The following TBC1D32 variants were observed in gnomAD, a reference collection of about 807,000 sequenced individuals.
TBC1D32 encodes TBC1 domain family member 32, also known as protein broad-minded.
Under a neutral mutation model 170.3 loss-of-function variants are expected in TBC1D32, and 151 were observed. The ratio of observed to expected loss-of-function variants is 0.89; its 90% confidence interval spans 0.78 to 1.01. TBC1D32 has a LOEUF of 1.01. Ranked by LOEUF, TBC1D32 falls within the 50% of genes least tolerant of loss-of-function variation. TBC1D32 has a pLI of 0.00. For synonymous variants in TBC1D32, 498 were observed against 488.0 expected (o/e 1.02, Z -0.27); for missense variants, 1,464 against 1,457.1 (o/e 1.00, Z -0.08).
At position 121,197,236 on chromosome 6, in the gene TBC1D32, CTGTGA is replaced by C. The variant is rs1016374939; in HGVS notation, c.2570+7834_2570+7838del. 4.3e-4 allele frequency among the ~76,000 whole-genome samples: 65 copies of C among 152,218 alleles called. 1 individual carries two copies. The highest frequency in any genetic ancestry group is 1.5e-3 in the African/African-American group (64 of 41,544). ...GGGCATCTCTTAGTATTACCATGCC[CTGTGA>C]TTAAGGTCAATGGGAAACTACAACA... On this transcript the variant is annotated intron_variant, in intron 22 of 31. Transcript: ENST00000398212.
intron 4 of TBC1D32, among the ~76,000 whole-genome samples, chr6:121,309,429 CA>C (rs1807836302): frequency 6.6e-6 from 1 of 151,760 alleles, no homozygotes; most frequent in Admixed American, 6.6e-5. Context: ...AATCATAATG[CA>C]AAATGTTGAG....
intron 21 of TBC1D32, among the ~76,000 whole-genome samples, chr6:121,208,733 A>AAAAAAAAC (rs1554269730): frequency 2.7e-5 from 4 of 146,542 alleles, no homozygotes; most frequent in African/African-American, 7.3e-5. Flanking sequence ...CACCTGGAAA[A>AAAAAAAAC]AAAAAAAAAA....
chr6:121,324,288 A>G (rs1810164178), intron 1 of TBC1D32, among the ~76,000 whole-genome samples: 1 of 152,202 alleles, frequency 6.6e-6, no homozygotes, highest in Middle Eastern at 3.2e-3. Context: ...AACAAAAATT[A>G]CATTTTATTC....
intron 19 of TBC1D32, 85 bp downstream of exon 19, chr6:121,241,380 C>T (rs1796967593): frequency 4.5e-6 from 5 of 1,118,696 alleles, no homozygotes; most frequent in Admixed American, 4.3e-5. Context: ...TATCCTGATA[C>T]TTAATTGTGC....
At chr6:121,277,918 G>A (rs1375485848) in intron 15 of TBC1D32, among the ~76,000 whole-genome samples, 2 of 151,130 alleles carry the variant, frequency 1.3e-5, no homozygotes, top group African/African-American at 4.9e-5. Context: ...AACATCAGAA[G>A]TGAAAGAGGA....
At chr6:121,327,764 T>C (rs924348425) in intron 1 of TBC1D32, among the ~76,000 whole-genome samples, 1 of 152,202 alleles carries the variant, frequency 6.6e-6, no homozygotes, top group African/African-American at 2.4e-5. Context: ...AAACTGATTT[T>C]TATACATTAT....
intron 22 of TBC1D32, among the ~76,000 whole-genome samples, chr6:121,191,174 T>C (rs559065690): frequency 3.7e-4 from 57 of 152,312 alleles, no homozygotes; most frequent in Non-Finnish European, 6.6e-4. Context: ...TATCTGCATA[T>C]ATGGAAATTT....
Position 121,269,067 on chromosome 6 carries a change from G to T in TBC1D32, c.1733+10054C>A, listed in dbSNP as rs551968314. 5.3e-5 allele frequency among the ~76,000 whole-genome samples: 8 copies of T among 152,276 alleles called. No individual in the cohort carries two copies. The East Asian group carries it at 1.5e-3, about 29-fold the overall frequency. ...CTTTGCAGACAAACAAATGCTGAGAGATTTTGTCACCACCAGGCCTGCCTT... is the reference window on the plus strand; with the variant it reads ...CTTTGCAGACAAACAAATGCTGAGATATTTTGTCACCACCAGGCCTGCCTT... On this transcript the variant is annotated intron_variant, in intron 15 of 31. Transcript: ENST00000398212.
intron 22 of TBC1D32, among the ~76,000 whole-genome samples, chr6:121,198,480 G>A (rs139031322): frequency 1.0e-4 from 15 of 150,458 alleles, no homozygotes; most frequent in South Asian, 6.2e-4. Context: ...GGCCTGGCAC[G>A]GTGGCTCATG....
chr6:121,282,670 T>C (rs917914387), intron 13 of TBC1D32, among the ~76,000 whole-genome samples: 1 of 151,814 alleles, frequency 6.6e-6, no homozygotes, highest in Non-Finnish European at 1.5e-5. Context: ...AATCATCTTC[T>C]ATTTATTAAG....
At chr6:121,112,457 T>G in intron 29 of TBC1D32, 48 bp downstream of exon 29, 1 of 1,514,784 alleles carries the variant, frequency 6.6e-7, no homozygotes, top group Non-Finnish European at 8.9e-7. Context: ...GTAAGTATAA[T>G]GTTCTTAAAA....
chr6:121,257,672 T>A (rs750923527), intron 15 of TBC1D32, among the ~76,000 whole-genome samples: 14 of 152,200 alleles, frequency 9.2e-5, no homozygotes, highest in Non-Finnish European at 1.5e-4. Flanking sequence ...AGGTAACCGA[T>A]AAAGTGTATT....
chr6:121,327,911 A>G (rs563195362), intron 1 of TBC1D32, among the ~76,000 whole-genome samples: 6 of 152,202 alleles, frequency 3.9e-5, no homozygotes, highest in African/African-American at 1.2e-4. Context: ...CAAAATTCCA[A>G]CCACTAAAGA....
intron 24 of TBC1D32, among the ~76,000 whole-genome samples, chr6:121,145,064 C>A (rs2128228522): frequency 6.6e-6 from 1 of 152,180 alleles, no homozygotes; most frequent in South Asian, 2.1e-4. Context: ...CAAGTGGGTC[C>A]AAGAGAGAAT....
In TBC1D32 at chr6:121,303,892, T is replaced by C. The variant is rs938178496; in HGVS notation, c.936-131A>G. Reference sequence around the variant, plus strand: ...CTATTTCAGTAAATGACAGGTAGGATTCATACTCAATGTTTCTGCTTTAAC... The same window carrying C: ...CTATTTCAGTAAATGACAGGTAGGACTCATACTCAATGTTTCTGCTTTAAC... On this transcript the variant is annotated intron_variant, in intron 8 of 31. Transcript: ENST00000398212. The C allele has an allele frequency of 2.1e-5, 11 of 536,354 alleles. No individual in the cohort carries two copies. The Admixed American group carries it at 4.5e-4, about 22-fold the overall frequency. The allele number at this position is 536,354 out of a possible 1,614,324, so 33.2% of individuals were successfully genotyped here.
In TBC1D32 at chr6:121,308,103, T is replaced by C. The variant is rs770685390; in HGVS notation, c.565-2A>G. The stretch of plus-strand genomic sequence containing the variant: ...TGTTTGCAAGGCTTCATATCTCACC[T>C]ACAATTTTTTTAAAAGACTTTTATT... On this transcript the variant is annotated splice_acceptor_variant, in intron 4 of 31. Transcript: ENST00000398212. LOFTEE classifies it high-confidence loss of function. The C allele has an allele frequency of 1.1e-5, 18 of 1,607,718 alleles. No individual in the cohort carries two copies. Among genetic ancestry groups the C allele is most frequent in the Admixed American group, 1.7e-5 (1 of 58,250 alleles).
chr6:121,281,660 T>C lies in TBC1D32; in HGVS notation c.1492A>G (p.Thr498Ala). The C allele has an allele frequency of 6.3e-7, 1 of 1,599,700 alleles. No individual in the cohort carries two copies. The highest frequency in any genetic ancestry group is 8.5e-7 in the Non-Finnish European group (1 of 1,172,536). Residue 498 changes from threonine to alanine, a missense_variant, in exon 14 of 32, where the codon ACT (threonine) becomes GCT (alanine). Physicochemically the swap from Thr to Ala is moderately conservative, Grantham distance 58. This residue lies in a region of TBC1D32 where 1,363 missense variants were observed against 1,338.1 expected (regional missense o/e 1.02). Coordinates refer to ENST00000398212, the MANE Select transcript of TBC1D32 (RefSeq NM_152730.6). ...TCACTGAGTATCCACAGAACTTCAG[T>C]CACCATACTTGCAGGAGAGTAATTC... is the stretch of plus-strand genomic sequence containing the variant. ...SENYSPASMV[T>A]EVLWILSDQK... is the part of the protein sequence containing the mutation.
At chr6:121,119,859 A>G (rs1401798067) in intron 26 of TBC1D32, among the ~76,000 whole-genome samples, 2 of 152,060 alleles carry the variant, frequency 1.3e-5, no homozygotes, top group African/African-American at 4.8e-5. Flanking sequence ...AATTTCAACT[A>G]CCTTAGGGTT....
intron 17 of TBC1D32, among the ~76,000 whole-genome samples, chr6:121,253,102 A>C (rs1033412511): frequency 6.6e-6 from 1 of 152,202 alleles, no homozygotes; most frequent in Non-Finnish European, 1.5e-5. Flanking sequence ...AAAAATAAAT[A>C]AATGGGACAT....
Sources: gnomAD v4.1 joint callset for allele counts (sites outside exome capture counted in the v4.1 genomes callset) on GRCh38, gnomAD v4.1.1 for gene constraint, gnomAD v4.1.1 regional missense constraint, MANE v1.5 for transcripts, NCBI Gene and HGNC (gene_info 2026-07-23, HGNC 2026-07-21) for gene names.